Variants in RAB3IP observed in about 807,000 individuals in gnomAD.
RAB3IP encodes RAB3A interacting protein, also known as rab-3A-interacting protein.
A neutral mutation model predicts 59.1 loss-of-function variants in RAB3IP; 36 were observed. The ratio of observed to expected loss-of-function variants is 0.61; its 90% confidence interval spans 0.47 to 0.80. The LOEUF is 0.80. RAB3IP is among the 30% of genes least tolerant of loss of function. The pLI is 0.00. For synonymous variants in RAB3IP, 207 were observed against 191.2 expected, an observed-to-expected ratio of 1.08 and a Z score of -0.68; for missense variants, 511 against 536.0, an observed-to-expected ratio of 0.95 and a Z score of 0.46.
rs369270987 is a variant in RAB3IP, at chr12:69,791,704, A to G, written c.607-2733A>G. 1.2e-4 allele frequency among the ~76,000 whole-genome samples: 18 copies of G among 152,328 alleles called. 1 individual carries two copies. The East Asian group carries it at 2.9e-3, about 24-fold the overall frequency. On this transcript the variant is annotated intron_variant, in intron 4 of 10. Coordinates refer to ENST00000247833, the MANE Select transcript of RAB3IP (RefSeq NM_022456.5). Reference sequence around the variant, plus strand: ...GGATGTGGAGAAAAGGAACTTGTCCACTATTGGTGGGAATGTAAATTGGTA... The same window carrying G: ...GGATGTGGAGAAAAGGAACTTGTCCGCTATTGGTGGGAATGTAAATTGGTA...
chr12:69,810,414 C>A (rs999075549), intron 8 of RAB3IP, among the ~76,000 whole-genome samples: 2 of 152,162 alleles, frequency 1.3e-5, no homozygotes, highest in Non-Finnish European at 2.9e-5. Context: ...AACCACTGCT[C>A]TCTTCAAAGC....
chr12:69,804,965 A>T (rs1179449533), intron 8 of RAB3IP, among the ~76,000 whole-genome samples: 2 of 152,158 alleles, frequency 1.3e-5, no homozygotes, highest in Non-Finnish European at 2.9e-5. Flanking sequence ...CTTAGGATTG[A>T]CTTGGCAATG....
rs558479211 is a variant in RAB3IP at position 69,795,751 on chromosome 12, G to C, written c.888+407G>C. ...TACATTGCTTTTATTTAAATTCAGA[G>C]AGAATTTTATGTCAGCAAGGGAGTC... On this transcript the variant is annotated intron_variant, in intron 6 of 10. Coordinates refer to ENST00000247833, the MANE Select transcript of RAB3IP (RefSeq NM_022456.5). 318 of 234,408 alleles carry C rather than the reference G, an allele frequency of 1.4e-3. 7 individuals are homozygous for C. The highest frequency in any genetic ancestry group is 1.6e-4 in the Non-Finnish European group (20 of 122,670). 14.5% of individuals were successfully genotyped at this position (234,408 alleles called of 1,614,324 possible). A position where few individuals can be genotyped will look rare whatever the true frequency, so the allele number is the denominator to read the frequency against.
At chr12:69,744,150 C>G (rs1227299124) in intron 1 of RAB3IP, among the ~76,000 whole-genome samples, 2 of 152,000 alleles carry the variant, frequency 1.3e-5, no homozygotes, top group Non-Finnish European at 2.9e-5. Context: ...GCCACTCCCC[C>G]ACAGGCCCTG....
chr12:69,746,922 A>G (rs1334592340), intron 1 of RAB3IP, among the ~76,000 whole-genome samples: 3 of 152,228 alleles, frequency 2.0e-5, no homozygotes, highest in Non-Finnish European at 4.4e-5. Context: ...TGAAAGAGGA[A>G]AATAGTGCTT....
intron 4 of RAB3IP, among the ~76,000 whole-genome samples, chr12:69,789,806 C>T (rs919581991): frequency 2.0e-5 from 3 of 151,986 alleles, no homozygotes; most frequent in Non-Finnish European, 2.9e-5. Flanking sequence ...GTGTGATAAA[C>T]CACAGTAATA....
At chr12:69,783,647 T>C (rs1209023265) in intron 3 of RAB3IP, among the ~76,000 whole-genome samples, 1 of 152,240 alleles carries the variant, frequency 6.6e-6, no homozygotes, top group Non-Finnish European at 1.5e-5. Flanking sequence ...AACCTTTTGC[T>C]TTCTCTCCGT....
chr12:69,755,589 T>C lies in RAB3IP; in HGVS notation c.181T>C (p.Ser61Pro). The change falls in exon 2 of 11, where the codon TCT (serine) becomes CCT (proline). Residue 61 changes from serine (S) to proline (P), a missense_variant. Transcript: ENST00000247833. ...TATCCAGGCAAATGCATTAGATGTT[T>C]CTGAACTTCCTACACAACCCGTGTA... ...VPIQANALDV[S>P]ELPTQPVYSS... 6.2e-7 allele frequency: 1 copy of C among 1,614,078 alleles called. No homozygotes were observed. Among genetic ancestry groups the C allele is most frequent in the Non-Finnish European group, 8.5e-7 (1 of 1,179,988 alleles).
chr12:69,783,053 C>T (rs1875016402), intron 3 of RAB3IP, among the ~76,000 whole-genome samples: 1 of 152,104 alleles, frequency 6.6e-6, no homozygotes, highest in South Asian at 2.1e-4. Context: ...GATTTTCTTT[C>T]CCTTGTAGGT....
intron 3 of RAB3IP, among the ~76,000 whole-genome samples, chr12:69,764,076 G>A (rs757065520): frequency 1.3e-5 from 2 of 152,308 alleles, no homozygotes; most frequent in East Asian, 3.9e-4. Flanking sequence ...ACATGTGAGT[G>A]CATGTGTCTT....
chr12:69,800,877 C>T (rs1878261322), intron 7 of RAB3IP, among the ~76,000 whole-genome samples: 1 of 152,134 alleles, frequency 6.6e-6, no homozygotes, highest in Non-Finnish European at 1.5e-5. Flanking sequence ...AAAGGTTTGT[C>T]TACAAATATC....
intron 4 of RAB3IP, 126 bp from the exon 5 acceptor site, chr12:69,794,311 A>G (rs1429702137): frequency 2.9e-6 from 2 of 694,020 alleles, no homozygotes; most frequent in Non-Finnish European, 5.0e-6. Context: ...CATAGTTGAC[A>G]TTGAATACTT....
intron 1 of RAB3IP, among the ~76,000 whole-genome samples, chr12:69,740,565 A>G (rs904231850): frequency 6.6e-6 from 1 of 152,138 alleles, no homozygotes; most frequent in Non-Finnish European, 1.5e-5. Flanking sequence ...TTGGTAAACA[A>G]CTCATCTGTG....
chr12:69,767,872 A>T (rs1592504124), intron 3 of RAB3IP, among the ~76,000 whole-genome samples: 1 of 151,980 alleles, frequency 6.6e-6, no homozygotes, highest in East Asian at 1.9e-4. Context: ...GAATGCCTGG[A>T]GATCTGCCTC....
chr12:69,804,649 A>G (rs1484673458), intron 8 of RAB3IP, among the ~76,000 whole-genome samples: 2 of 152,158 alleles, frequency 1.3e-5, no homozygotes, highest in East Asian at 3.8e-4. Context: ...TAAGTCTTTA[A>G]TCCATCTTGA....
chr12:69,793,496 A>G (rs1876961108), intron 4 of RAB3IP, among the ~76,000 whole-genome samples: 1 of 152,160 alleles, frequency 6.6e-6, no homozygotes, highest in African/African-American at 2.4e-5. Context: ...TTGTAAACTA[A>G]AGTTCTAAAA....
intron 1 of RAB3IP, among the ~76,000 whole-genome samples, chr12:69,745,897 A>C (rs1868320846): frequency 6.6e-6 from 1 of 152,212 alleles, no homozygotes; most frequent in South Asian, 2.1e-4. Context: ...CCAGAGTTTG[A>C]ATACTAGCTC....
At chr12:69,762,554 G>A (rs1360726430) in intron 3 of RAB3IP, among the ~76,000 whole-genome samples, 1 of 151,946 alleles carries the variant, frequency 6.6e-6, no homozygotes, top group Non-Finnish European at 1.5e-5. Flanking sequence ...TTAGGAGATC[G>A]AGACCATCCT....
chr12:69,804,284 A>G (rs1362195356), intron 8 of RAB3IP, among the ~76,000 whole-genome samples: 3 of 152,172 alleles, frequency 2.0e-5, no homozygotes, highest in Non-Finnish European at 4.4e-5. Context: ...TGTTTTGGCT[A>G]CATAAATGTC....
Sources: gnomAD v4.1 joint callset for allele counts (sites outside exome capture counted in the v4.1 genomes callset) on GRCh38, gnomAD v4.1.1 for gene constraint, MANE v1.5 for transcripts, NCBI Gene and HGNC (gene_info 2026-07-23, HGNC 2026-07-21) for gene names.